Variants in IHO1 observed in about 807,000 individuals in gnomAD.
The protein encoded by IHO1 is interactor of HORMAD1 protein 1.
A neutral mutation model predicts 31.0 loss-of-function variants in IHO1; 13 were observed. The observed-to-expected ratio is 0.42, with a 90% CI of 0.27 to 0.67. The LOEUF is 0.67. IHO1 is among the 30% of genes least tolerant of loss of function. The pLI, the probability that IHO1 is intolerant of heterozygous loss-of-function variation, is 0.24. For missense variants in IHO1, 599 were observed against 687.5 expected (o/e 0.87, Z 1.44); for synonymous variants, 221 against 248.4 (o/e 0.89, Z 1.04).
intron 1 of IHO1, among the ~76,000 whole-genome samples, chr3:49,211,076 C>T (rs984800722): frequency 2.7e-5 from 4 of 145,984 alleles, no homozygotes; most frequent in African/African-American, 7.7e-5. Context: ...GGCGCGATCT[C>T]GGCTCACTGC....
chr3:49,194,581 G>A (rs6794924), upstream of IHO1, among the ~76,000 whole-genome samples: 86,617 of 143,988 alleles, frequency 0.6, 27,151 homozygotes, highest in East Asian at 0.95. Flanking sequence ...GTGAGCCACC[G>A]TGCCCAGCCC....
chr3:49,207,315 G>T (rs1173874919), intron 1 of IHO1, among the ~76,000 whole-genome samples: 1 of 147,850 alleles, frequency 6.8e-6, no homozygotes, highest in Non-Finnish European at 1.5e-5. Context: ...GTGTGATCTC[G>T]GCTCACTGCA....
chr3:49,223,892 A>G (rs567298569), intron 2 of IHO1, among the ~76,000 whole-genome samples: 1 of 152,316 alleles, frequency 6.6e-6, no homozygotes, highest in East Asian at 1.9e-4. Context: ...GGTGAAGTCT[A>G]ACTGCCAGTC....
At chr3:49,235,929 C>CAAAA (rs35209519) in intron 2 of IHO1, among the ~76,000 whole-genome samples, 2 of 114,230 alleles carry the variant, frequency 1.8e-5, no homozygotes, top group Non-Finnish European at 1.8e-5. Context: ...GACTCTGTCT[C>CAAAA]AAAAAAAAAA....
chr3:49,224,525 G>T (rs2107703609), intron 2 of IHO1, among the ~76,000 whole-genome samples: 1 of 152,302 alleles, frequency 6.6e-6, no homozygotes, highest in African/African-American at 2.4e-5. Flanking sequence ...AACCATACTT[G>T]CTATCTGTAT....
chr3:49,236,744 G>T, intron 3 of IHO1, 22 bp downstream of exon 3: 2 of 1,599,726 alleles, frequency 1.3e-6, no homozygotes, highest in South Asian at 1.1e-5. Context: ...TTCCAGAATT[G>T]ATCTGCACAC....
chr3:49,210,403 AT>A (rs1423860958), intron 1 of IHO1, among the ~76,000 whole-genome samples: 60 of 145,370 alleles, frequency 4.1e-4, no homozygotes, highest in South Asian at 4.3e-4. Context: ...CACCCTGCTA[AT>A]TTTTTTTTTT....
At chr3:49,216,150 C>T (rs982196365) in intron 2 of IHO1, among the ~76,000 whole-genome samples, 2 of 152,138 alleles carry the variant, frequency 1.3e-5, no homozygotes, top group Non-Finnish European at 2.9e-5. Flanking sequence ...TGTTTTAATG[C>T]AGCAGTCCCT....
At chr3:49,207,111 G>T (rs955328066) in intron 1 of IHO1, among the ~76,000 whole-genome samples, 3 of 151,314 alleles carry the variant, frequency 2.0e-5, no homozygotes, top group Non-Finnish European at 4.4e-5. Context: ...ACAGATGAGA[G>T]TGGGTAGGAA....
chr3:49,243,707 G>A (rs1304522698), intron 4 of IHO1, among the ~76,000 whole-genome samples: 29 of 142,910 alleles, frequency 2.0e-4, no homozygotes, highest in Admixed American at 5.0e-4. Flanking sequence ...GCAGTGAGCC[G>A]AGATCGTGCC....
chr3:49,221,876 GA>G (rs2107700284), intron 2 of IHO1, among the ~76,000 whole-genome samples: 1 of 152,358 alleles, frequency 6.6e-6, no homozygotes, highest in South Asian at 2.1e-4. Context: ...GCTGGTATAA[GA>G]GTTTGAAAGG....
chr3:49,200,595 C>G, intron 1 of IHO1: 2 of 984,432 alleles, frequency 2.0e-6, no homozygotes, highest in South Asian at 4.7e-5. Context: ...CGGTCCTCTC[C>G]CCCTCACGTG....
upstream of IHO1, among the ~76,000 whole-genome samples, chr3:49,199,274 T>C (rs1420422627): frequency 6.6e-6 from 1 of 152,146 alleles, no homozygotes; most frequent in Non-Finnish European, 1.5e-5. Flanking sequence ...TTGAGACCAT[T>C]AGTACGGTTA....
chr3:49,228,400 C>A, intron 2 of IHO1: 1 of 425,454 alleles, frequency 2.4e-6, no homozygotes, highest in Non-Finnish European at 4.7e-6. Flanking sequence ...GTCCAGCGGC[C>A]ACGCTAGTCA....
In IHO1 at chr3:49,212,160, T is replaced by C. The variant is rs192965909; in HGVS notation, c.56+324T>C. Among the ~76,000 whole-genome samples the C allele has an allele frequency of 8.1e-3, 997 of 122,446 alleles. 14 individuals are homozygous for C. The highest frequency in any genetic ancestry group is 0.03 in the African/African-American group (923 of 31,276). The allele number at this position is 122,446 out of a possible 152,430, so 80.3% of individuals were successfully genotyped here. A position where few individuals can be genotyped will look rare whatever the true frequency, so the allele number is the denominator to read the frequency against. On this transcript the variant is annotated intron_variant, in intron 2 of 7. Coordinates refer to ENST00000452691, the MANE Select transcript of IHO1 (RefSeq NM_001135197.2). The stretch of plus-strand genomic sequence containing the variant: ...GCCTGGGCGACAGAGCGAGACTCCG[T>C]CTCAAAAAAAAAAAAAAAAAAAAGG...
At chr3:49,194,338 C>G (rs1328213670), upstream of IHO1, among the ~76,000 whole-genome samples, 3 of 142,822 alleles carry the variant, frequency 2.1e-5, no homozygotes, top group African/African-American at 7.8e-5. Context: ...GAGGCTTGCT[C>G]TGTTGCCCAG....
chr3:49,244,771 T>C lies in IHO1; in HGVS notation c.532+38T>C, dbSNP rs762220256. 2.0e-6 allele frequency: 3 copies of C among 1,535,520 alleles called. No homozygotes were observed. In the South Asian group the frequency reaches 3.3e-5, roughly 17 times the overall value. The stretch of plus-strand genomic sequence containing the variant: ...TGTTTGAGGTATCAGCAGAGGGCAC[T>C]GGTGAATGATGAACATGAACTTTCT... On this transcript the variant is annotated intron_variant, in intron 6 of 7. Transcript: ENST00000452691.
intron 3 of IHO1, among the ~76,000 whole-genome samples, chr3:49,238,344 G>A (rs1358016735): frequency 6.6e-6 from 1 of 152,144 alleles, no homozygotes; most frequent in African/African-American, 2.4e-5. Flanking sequence ...CACCCAGGCT[G>A]TAGTGCAGTG....
intron 2 of IHO1, among the ~76,000 whole-genome samples, chr3:49,233,831 G>T (rs1247146508): frequency 1.3e-5 from 2 of 151,958 alleles, no homozygotes; most frequent in African/African-American, 4.8e-5. Context: ...TGAGGGCAAG[G>T]AACACTTGGC....
Sources: allele counts gnomAD v4.1 joint callset (sites outside exome capture counted in the v4.1 genomes callset), GRCh38; gene constraint gnomAD v4.1.1; transcripts MANE v1.5; gene names NCBI Gene and HGNC (gene_info 2026-07-23, HGNC 2026-07-21).